ETV3L: variants seen among roughly 807,000 people sequenced by gnomAD.
The protein encoded by ETV3L is ETS variant transcription factor 3 like.
A neutral mutation model predicts 27.6 loss-of-function variants in ETV3L; 30 were observed. That is an observed-to-expected ratio of 1.09 (90% CI 0.81 to 1.48). The LOEUF (loss-of-function observed/expected upper bound fraction) is 1.48. Among genes scored for constraint, ETV3L ranks in the 40% most tolerant of loss-of-function variants. The pLI is 0.00. For synonymous variants in ETV3L, 186 were observed against 188.9 expected (o/e 0.98, Z 0.12); for missense variants, 443 against 455.6 (o/e 0.97, Z 0.25).
Position 157,092,777 on chromosome 1 carries a change from C to A in ETV3L, c.958G>T (p.Ala320Ser). 1 of 1,614,188 alleles carries A rather than the reference C, an allele frequency of 6.2e-7. No homozygotes were observed. The highest frequency in any genetic ancestry group is 8.5e-7 in the Non-Finnish European group (1 of 1,180,012). Residue 320 changes from alanine (A) to serine (S), a missense_variant, in exon 5 of 5, where the codon GCA (alanine) becomes TCA (serine). Physicochemically the swap from Ala to Ser is moderately conservative, Grantham distance 99. Transcript: ENST00000454449. ...TCCCTGGGATCCAGGCCTCCCTTTG[C>A]CTCCATCATGGGAGCAGGCTTTACT... The part of the protein sequence containing the change: ...LEVKPAPMME[A>S]KGGLDPREVF...
intron 2 of ETV3L, 106 bp from the exon 3 acceptor site, chr1:157,099,001 C>T: frequency 6.7e-7 from 1 of 1,486,718 alleles, no homozygotes; most frequent in Non-Finnish European, 9.2e-7. Context: ...AAGCTGTTCC[C>T]CGAGAACCAC....
At chr1:157,093,267 T>C in intron 4 of ETV3L, 140 bp from the exon 5 acceptor site, 1 of 574,406 alleles carries the variant, frequency 1.7e-6, no homozygotes, top group South Asian at 3.9e-5. Flanking sequence ...CTTTCTGTCT[T>C]ATTTTTTTGA....
At chr1:157,094,027 C>T (rs1346974957) in intron 4 of ETV3L, among the ~76,000 whole-genome samples, 1 of 152,204 alleles carries the variant, frequency 6.6e-6, no homozygotes, top group East Asian at 1.9e-4. Context: ...TCCCTCGAAT[C>T]TACCCAGTCT....
At chr1:157,094,713 G>A (rs1674187559) in intron 4 of ETV3L, among the ~76,000 whole-genome samples, 1 of 152,072 alleles carries the variant, frequency 6.6e-6, no homozygotes, top group Non-Finnish European at 1.5e-5. Flanking sequence ...AGGAGTTCGA[G>A]ACCAGCCTGA....
chr1:157,093,518 G>A (rs1372085048), intron 4 of ETV3L, among the ~76,000 whole-genome samples: 2 of 149,414 alleles, frequency 1.3e-5, no homozygotes, highest in African/African-American at 2.5e-5. Flanking sequence ...TTTAAACAGA[G>A]TCTTGCTCTG....
At chr1:157,095,258 C>T (rs950308727) in intron 4 of ETV3L, among the ~76,000 whole-genome samples, 1 of 152,196 alleles carries the variant, frequency 6.6e-6, no homozygotes, top group African/African-American at 2.4e-5. Flanking sequence ...CCTGCAGCTC[C>T]CTGCCTCCGG....
chr1:157,099,483 G>T lies in ETV3L; in HGVS notation c.41C>A (p.Pro14His). 1 of 1,613,606 alleles carries T rather than the reference G, an allele frequency of 6.2e-7. No individual in the cohort carries two copies. The highest frequency in any genetic ancestry group is 8.5e-7 in the Non-Finnish European group (1 of 1,179,852). Residue 14 changes from proline (P) to histidine (H), a missense_variant, in exon 1 of 5, where the codon CCC becomes CAC. Transcript: ENST00000454449. Reference sequence around the variant, plus strand: ...AGGCTCACCTGAGATCCAGTTGCCGGGGTTGGCTGGGATGCCCTCAGCCAA... The same window carrying T: ...AGGCTCACCTGAGATCCAGTTGCCGTGGTTGGCTGGGATGCCCTCAGCCAA... ...SCLAEGIPANPGNWISGLAFP... is the reference protein window; with the variant it reads ...SCLAEGIPANHGNWISGLAFP...
In ETV3L at chr1:157,092,407, A is replaced by G. The variant is rs531156333; in HGVS notation, c.*242T>C. The G allele has an allele frequency of 8.2e-6, 4 of 486,618 alleles. No homozygotes were observed. The highest frequency in any genetic ancestry group is 1.4e-5 in the Non-Finnish European group (4 of 277,348). The allele number at this position is 486,618 out of a possible 1,614,324, so 30.1% of individuals were successfully genotyped here. A position where few individuals can be genotyped will look rare whatever the true frequency, so the allele number is the denominator to read the frequency against. ...TCCCTGAAGAAAAGTTGAGATTAGG[A>G]ATGTCCCCTTAGTCTGCTTAGCAAT... On this transcript the variant is annotated 3_prime_UTR_variant, in exon 5 of 5. Coordinates refer to ENST00000454449, the MANE Select transcript of ETV3L (RefSeq NM_001004341.2).
chr1:157,097,775 T>C (rs1674261519), intron 4 of ETV3L, 93 bp downstream of exon 4: 1 of 1,481,330 alleles, frequency 6.8e-7, no homozygotes, highest in Non-Finnish European at 9.2e-7. Context: ...TAGTATCCCT[T>C]GTCTCATGCC....
intron 1 of ETV3L, 26 bp from the exon 2 acceptor site, chr1:157,099,404 C>T (rs1261512971): frequency 6.2e-7 from 1 of 1,613,954 alleles, no homozygotes; most frequent in Non-Finnish European, 8.5e-7. Context: ...AGAGTGAGGG[C>T]TCTGGAGGCC....
In ETV3L at chr1:157,099,783, C is replaced by T; in HGVS notation, c.-260G>A. 1 of 583,328 alleles carries T rather than the reference C, an allele frequency of 1.7e-6. No homozygotes were observed. Among genetic ancestry groups the T allele is most frequent in the Non-Finnish European group, 3.0e-6 (1 of 328,868 alleles). 36.1% of individuals were successfully genotyped at this position (583,328 alleles called of 1,614,324 possible). A position where few individuals can be genotyped will look rare whatever the true frequency, so the allele number is the denominator to read the frequency against. ...AGGGCCCAGCCCCCTCTGGGGACCT[C>T]CCCGCTGCCCAGGGCTGACTCGGAC... On this transcript the variant is annotated 5_prime_UTR_variant, in exon 1 of 5. Transcript: ENST00000454449.
In ETV3L at chr1:157,093,114, G is replaced by T; in HGVS notation, c.621C>A (p.Ala207=). The T allele has an allele frequency of 6.9e-7, 1 of 1,457,454 alleles. No individual in the cohort carries two copies. The highest frequency in any genetic ancestry group is 9.1e-7 in the Non-Finnish European group (1 of 1,103,860). 90.3% of individuals were successfully genotyped at this position (1,457,454 alleles called of 1,614,324 possible). The change falls in exon 5 of 5, where the codon GCC becomes GCA. Residue 207 remains alanine (A), a synonymous_variant. Coordinates refer to ENST00000454449, the MANE Select transcript of ETV3L (RefSeq NM_001004341.2). ...AAAGGCCCAGCCGGCAGGGGCCTGG[G>T]GCAGAGCCAAGTCCTAGAGAAAGAA... ...SSSSVYRLGS[A]PGPCRLGLCC...
chr1:157,094,725 C>G (rs1327742010), intron 4 of ETV3L, among the ~76,000 whole-genome samples: 1 of 151,976 alleles, frequency 6.6e-6, no homozygotes, highest in Non-Finnish European at 1.5e-5. Flanking sequence ...CCAGCCTGAC[C>G]AATGTGATGA....
rs1351744499 is a variant in ETV3L, at chr1:157,098,798, A to G, written c.394T>C (p.Trp132Arg). 1 of 1,614,018 alleles carries G rather than the reference A, an allele frequency of 6.2e-7. No homozygotes were observed. The highest frequency in any genetic ancestry group is 8.5e-7 in the Non-Finnish European group (1 of 1,180,008). The change falls in exon 3 of 5, where the codon TGG (tryptophan) becomes CGG (arginine). Residue 132 changes from tryptophan to arginine, a missense_variant. Trp to Arg is a moderately radical substitution (Grantham distance 101, BLOSUM62 -3). Coordinates refer to ENST00000454449, the MANE Select transcript of ETV3L (RefSeq NM_001004341.2). ...SKLIVVNYPL[W>R]EVRAPPSPHL... The stretch of plus-strand genomic sequence containing the variant: ...GGGGATGGCGGCGCCCGCACTTCCC[A>G]CAAAGGATAGTTGACTACGATGAGC...
intron 4 of ETV3L, 92 bp from the exon 5 acceptor site, chr1:157,093,219 C>T: frequency 1.1e-6 from 1 of 894,252 alleles, no homozygotes; most frequent in Non-Finnish European, 1.6e-6. Context: ...TTGTTTCTTG[C>T]TTGGAAGTCT....
Position 157,092,737 on chromosome 1 carries a change from T to A in ETV3L, c.998A>T (p.Glu333Val). ...CTCCCCAGTTTTGAGTCTGCGGGTC[T>A]CTGGGCAGAAGACCTCCCTGGGATC... ...GLDPREVFCP[E>V]TRRLKTGEES... Residue 333 changes from glutamate (E) to valine (V), a missense_variant, in exon 5 of 5, where the codon GAG becomes GTG. Transcript: ENST00000454449. 2 of 1,614,176 alleles carry A rather than the reference T, an allele frequency of 1.2e-6. No homozygotes were observed. The highest frequency in any genetic ancestry group is 1.7e-6 in the Non-Finnish European group (2 of 1,180,010).
Position 157,092,619 on chromosome 1 carries a change from T to G in ETV3L, c.*30A>C. Reference sequence around the variant, plus strand: ...AGAGGAGAGATGGACTTTGGAGGACTCCTCCCCAACTTCCCACCTTCCTCT... The same window carrying G: ...AGAGGAGAGATGGACTTTGGAGGACGCCTCCCCAACTTCCCACCTTCCTCT... On this transcript the variant is annotated 3_prime_UTR_variant, in exon 5 of 5. Transcript: ENST00000454449. The G allele has an allele frequency of 6.5e-7, 1 of 1,547,254 alleles. No homozygotes were observed. The highest frequency in any genetic ancestry group is 8.8e-7 in the Non-Finnish European group (1 of 1,140,660).
chr1:157,094,750 T>C (rs1463177860), intron 4 of ETV3L, among the ~76,000 whole-genome samples: 1 of 151,900 alleles, frequency 6.6e-6, no homozygotes, highest in Non-Finnish European at 1.5e-5. Flanking sequence ...CCGTCTCTAC[T>C]AAAAATACAA....
chr1:157,099,398 T>C lies in ETV3L; in HGVS notation c.59-20A>G. 1 of 1,613,058 alleles carries C rather than the reference T, an allele frequency of 6.2e-7. No individual in the cohort carries two copies. The highest frequency in any genetic ancestry group is 1.1e-5 in the South Asian group (1 of 91,024). Reference sequence around the variant, plus strand: ...CCAACCCTGGGTGGAGAGGGGAGAGTGAGGGCTCTGGAGGCCCTGCCCTAG... The same window carrying C: ...CCAACCCTGGGTGGAGAGGGGAGAGCGAGGGCTCTGGAGGCCCTGCCCTAG... On this transcript the variant is annotated intron_variant, in intron 1 of 4. Coordinates refer to ENST00000454449, the MANE Select transcript of ETV3L (RefSeq NM_001004341.2).
Sources: allele counts gnomAD v4.1 joint callset (sites outside exome capture counted in the v4.1 genomes callset), GRCh38; gene constraint gnomAD v4.1.1; transcripts MANE v1.5; gene names NCBI Gene and HGNC (gene_info 2026-07-23, HGNC 2026-07-21).